The following SLCO5A1 variants were observed in gnomAD, a reference collection of about 807,000 sequenced individuals.
The protein encoded by SLCO5A1 is solute carrier organic anion transporter family member 5A1.
Under a neutral mutation model 65.1 loss-of-function variants are expected in SLCO5A1, and 39 were observed. The observed-to-expected ratio is 0.60, with a 90% CI of 0.46 to 0.78. The LOEUF (loss-of-function observed/expected upper bound fraction) is 0.78, where lower values mean the gene tolerates loss of function less well. Ranked by LOEUF, SLCO5A1 falls within the 30% of genes least tolerant of loss-of-function variation. The pLI, the probability that SLCO5A1 is intolerant of heterozygous loss-of-function variation, is 0.00. For synonymous variants in SLCO5A1, 438 were observed against 415.7 expected (o/e 1.05, Z -0.65); for missense variants, 1,029 against 1,069.4 (o/e 0.96, Z 0.53).
chr8:69,723,140 G>C lies in SLCO5A1; in HGVS notation c.1423+14900C>G, dbSNP rs1399090485. Among the ~76,000 whole-genome samples, 3 of 150,362 alleles carry C rather than the reference G, an allele frequency of 2.0e-5. No homozygotes were observed. In the South Asian group the frequency reaches 6.2e-4, roughly 31 times the overall value. On this transcript the variant is annotated intron_variant, in intron 5 of 9. Coordinates refer to ENST00000260126, the MANE Select transcript of SLCO5A1 (RefSeq NM_030958.3). ...TTGAAGTATTTGTAAAGATGTATTT[G>C]TTTTGCATAACATTAAAACTATTTT...
chr8:69,729,503 C>G (rs1373593599), intron 5 of SLCO5A1, among the ~76,000 whole-genome samples: 1 of 120,252 alleles, frequency 8.3e-6, no homozygotes, highest in Non-Finnish European at 1.8e-5. Flanking sequence ...GCACATCAAA[C>G]ACCTAAAAAT....
In SLCO5A1 at chr8:69,832,356, C is replaced by A. The variant is rs764991855; in HGVS notation, c.318G>T (p.Ser106=). Residue 106 remains serine (S), a synonymous_variant, in exon 2 of 10, where the codon TCG becomes TCT. Coordinates refer to ENST00000260126, the MANE Select transcript of SLCO5A1 (RefSeq NM_030958.3). The surrounding 1 kb of genome is among the most constrained non-coding windows in gnomAD (Gnocchi z 4.5). ...GGAGCATGGCCAAGGCGGAGGACACCGAGAAGGTTTTGCTGAGGTCCACCC... is the reference window on the plus strand; with the variant it reads ...GGAGCATGGCCAAGGCGGAGGACACAGAGAAGGTTTTGCTGAGGTCCACCC... ...NHRVDLSKTF[S]VSSALAMLQE... The A allele has an allele frequency of 5.0e-6, 8 of 1,613,872 alleles. No homozygotes were observed. The highest frequency in any genetic ancestry group is 6.8e-6 in the Non-Finnish European group (8 of 1,179,950).
intron 8 of SLCO5A1, among the ~76,000 whole-genome samples, chr8:69,677,674 C>G (rs1033370323): frequency 6.6e-6 from 1 of 152,176 alleles, no homozygotes; most frequent in Admixed American, 6.5e-5. Flanking sequence ...AACCAGTGGG[C>G]CTTTCATGCA....
At chr8:69,730,337 A>G in intron 5 of SLCO5A1, among the ~76,000 whole-genome samples, 1 of 152,246 alleles carries the variant, frequency 6.6e-6, no homozygotes, top group Non-Finnish European at 1.5e-5. Context: ...GTCCCTTTTA[A>G]GAAAACAATA....
At chr8:69,691,971 G>C (rs183056243) in intron 6 of SLCO5A1, among the ~76,000 whole-genome samples, 1 of 152,262 alleles carries the variant, frequency 6.6e-6, no homozygotes, top group East Asian at 1.9e-4. Context: ...GTATAAGGCC[G>C]GACGCGGTGG....
chr8:69,829,282 T>C (rs1821061242), intron 2 of SLCO5A1, among the ~76,000 whole-genome samples: 1 of 152,250 alleles, frequency 6.6e-6, no homozygotes, highest in African/African-American at 2.4e-5. Context: ...ATATAGGGAA[T>C]GGAGGAACAA....
At chr8:69,816,443 AG>A (rs1820412883) in intron 2 of SLCO5A1, among the ~76,000 whole-genome samples, 1 of 152,192 alleles carries the variant, frequency 6.6e-6, no homozygotes, top group South Asian at 2.1e-4. Context: ...GTAGTTGAAG[AG>A]GGGGATCGGG....
intron 2 of SLCO5A1, among the ~76,000 whole-genome samples, chr8:69,825,190 T>G (rs1820819494): frequency 6.6e-6 from 1 of 152,150 alleles, no homozygotes; most frequent in South Asian, 2.1e-4. Flanking sequence ...GGGCAAAAAC[T>G]GGAAGCATTC....
At chr8:69,825,083 C>T (rs1820813975) in intron 2 of SLCO5A1, among the ~76,000 whole-genome samples, 2 of 152,178 alleles carry the variant, frequency 1.3e-5, no homozygotes, top group South Asian at 4.1e-4. Flanking sequence ...AACAATGCTT[C>T]ATGGTAAAAA....
At chr8:69,783,120 T>C (rs141884465) in intron 2 of SLCO5A1, among the ~76,000 whole-genome samples, 1,579 of 152,286 alleles carry the variant, frequency 0.01, 26 homozygotes, top group African/African-American at 0.036. Context: ...ACAATGATCA[T>C]TATTGTTACT....
At position 69,672,788 on chromosome 8, in the gene SLCO5A1, G is replaced by A; in HGVS notation, c.*81C>T. The A allele has an allele frequency of 7.0e-7, 1 of 1,436,910 alleles. No individual in the cohort carries two copies. Among genetic ancestry groups the A allele is most frequent in the Middle Eastern group, 2.5e-4 (1 of 3,956 alleles). 89.0% of individuals were successfully genotyped at this position (1,436,910 alleles called of 1,614,324 possible). ...GTCTGTAGAGGTTAAAAAAAAGAAA[G>A]AAAGAAAAGAAGGCACAGTTGTTTC... On this transcript the variant is annotated 3_prime_UTR_variant, in exon 10 of 10. Transcript: ENST00000260126.
chr8:69,775,807 A>T (rs1237924011), intron 2 of SLCO5A1, among the ~76,000 whole-genome samples: 1 of 152,110 alleles, frequency 6.6e-6, no homozygotes. Context: ...TGAGCTCAGG[A>T]GTTGGAGACC....
At chr8:69,759,937 T>C (rs1361374379) in intron 3 of SLCO5A1, among the ~76,000 whole-genome samples, 2 of 152,146 alleles carry the variant, frequency 1.3e-5, no homozygotes, top group African/African-American at 4.8e-5. Flanking sequence ...ATGAGCCACC[T>C]TACCCGGCCC....
At position 69,679,474 on chromosome 8, in the gene SLCO5A1, C is replaced by T. The variant is rs753776732; in HGVS notation, c.1928G>A (p.Arg643Gln). The change falls in exon 8 of 10, where the codon CGG becomes CAG. Residue 643 changes from arginine to glutamine, a missense_variant. Coordinates refer to ENST00000260126, the MANE Select transcript of SLCO5A1 (RefSeq NM_030958.3). ...NGYAVSGKCK[R>Q]TCNTLIPFLV... ...GAATGGGATAAGAGTATTGCAGGTC[C>T]GTTTACATTTCCCAGACACAGCATA... is the stretch of plus-strand genomic sequence containing the variant. 5.6e-6 allele frequency: 9 copies of T among 1,614,064 alleles called. No homozygotes were observed. The highest frequency in any genetic ancestry group is 4.4e-5 in the South Asian group (4 of 91,092).
At chr8:69,815,689 C>CACACACAA (rs1491145039) in intron 2 of SLCO5A1, among the ~76,000 whole-genome samples, 2 of 146,078 alleles carry the variant, frequency 1.4e-5, no homozygotes, top group Non-Finnish European at 3.0e-5. Flanking sequence ...CACACACACA[C>CACACACAA]AAAATTACAT....
intron 2 of SLCO5A1, among the ~76,000 whole-genome samples, chr8:69,763,891 C>T (rs1048484864): frequency 1.3e-5 from 2 of 150,956 alleles, no homozygotes; most frequent in East Asian, 1.9e-4. Flanking sequence ...TTTTTTGAGA[C>T]GGATTCTCTG....
intron 5 of SLCO5A1, among the ~76,000 whole-genome samples, chr8:69,729,872 G>A (rs572254420): frequency 6.7e-4 from 102 of 152,184 alleles, no homozygotes; most frequent in African/African-American, 1.9e-3. Flanking sequence ...ACCTCTCTTC[G>A]CGGGTGGGAT....
chr8:69,705,045 G>T lies in SLCO5A1; in HGVS notation c.1608C>A (p.Ile536=). 1.2e-6 allele frequency: 2 copies of T among 1,612,314 alleles called. 1 individual carries two copies. Among genetic ancestry groups the T allele is most frequent in the African/African-American group, 2.7e-5 (2 of 75,032 alleles). Residue 536 remains isoleucine (I), a synonymous_variant, in exon 6 of 10, where the codon ATC becomes ATA. Coordinates refer to ENST00000260126, the MANE Select transcript of SLCO5A1 (RefSeq NM_030958.3). Reference sequence around the variant, plus strand: ...GAGGTACTTACCCTGTTGTATAAGGGATGTTTATGCCCCCTAGATTAATGC... The same window carrying T: ...GAGGTACTTACCCTGTTGTATAAGGTATGTTTATGCCCCCTAGATTAATGC... The part of the protein sequence containing the change: ...CESINLGGIN[I]PYTTGPSLTM...
At chr8:69,775,466 TA>T (rs1426592078) in intron 2 of SLCO5A1, among the ~76,000 whole-genome samples, 2 of 151,930 alleles carry the variant, frequency 1.3e-5, no homozygotes, top group African/African-American at 2.4e-5. Context: ...AGTATAATAA[TA>T]AAAAAAATCA....
Sources: gnomAD v4.1 joint callset for allele counts (sites outside exome capture counted in the v4.1 genomes callset) on GRCh38, gnomAD v4.1.1 for gene constraint, Gnocchi (gnomAD v3.1) non-coding constraint, MANE v1.5 for transcripts, NCBI Gene and HGNC (gene_info 2026-07-23, HGNC 2026-07-21) for gene names.